The following FSD1L variants were observed in gnomAD, a reference collection of about 807,000 sequenced individuals.
The protein encoded by FSD1L is FSD1-like protein.
Under a neutral mutation model 71.6 loss-of-function variants are expected in FSD1L, and 45 were observed. The ratio of observed to expected loss-of-function variants is 0.63; its 90% CI spans 0.49 to 0.81. The LOEUF is 0.81. FSD1L is among the 30% of genes least tolerant of loss of function. FSD1L has a pLI of 0.00. For synonymous variants in FSD1L, 197 were observed against 207.2 expected, an observed-to-expected ratio of 0.95 and a Z score of 0.42; for missense variants, 561 against 618.1, an observed-to-expected ratio of 0.91 and a Z score of 0.98.
chr9:105,448,836 A>AAGGTTGGTGTTG (rs1400094924), intron 1 of FSD1L, among the ~76,000 whole-genome samples: 1 of 152,190 alleles, frequency 6.6e-6, no homozygotes, highest in African/African-American at 2.4e-5. Context: ...CCACTCTCTG[A>AAGGTTGGTGTTG]CCAGTTGGTG....
At chr9:105,518,392 A>G (rs2131402529) in intron 10 of FSD1L, among the ~76,000 whole-genome samples, 1 of 152,366 alleles carries the variant, frequency 6.6e-6, no homozygotes, top group South Asian at 2.1e-4. Flanking sequence ...TTATTCTAAA[A>G]TTGACCACAT....
intron 11 of FSD1L, 115 bp downstream of exon 11, chr9:105,534,708 T>G: frequency 1.6e-6 from 1 of 642,162 alleles, no homozygotes; most frequent in East Asian, 2.8e-5. Context: ...TTGCAAGAAA[T>G]TTCTCCCAAT....
intron 10 of FSD1L, chr9:105,525,502 G>T: frequency 1.2e-6 from 2 of 1,609,836 alleles, no homozygotes; most frequent in Non-Finnish European, 1.7e-6. Context: ...GGAACAAGAT[G>T]AACCAATACC....
At chr9:105,523,252 C>A (rs1835296972) in intron 10 of FSD1L, 3 of 1,608,048 alleles carry the variant, frequency 1.9e-6, no homozygotes, top group African/African-American at 2.7e-5. Context: ...TGCTCCAGGT[C>A]ACAGACTCCT....
chr9:105,542,617 C>T (rs1589115964), intron 13 of FSD1L, among the ~76,000 whole-genome samples: 1 of 152,038 alleles, frequency 6.6e-6, no homozygotes, highest in African/African-American at 2.4e-5. Context: ...CCATACCCGG[C>T]TATTTAAAAA....
chr9:105,497,644 A>C (rs1269968036), intron 7 of FSD1L, among the ~76,000 whole-genome samples: 2 of 152,160 alleles, frequency 1.3e-5, no homozygotes, highest in Admixed American at 1.3e-4. Context: ...GTGGACATAG[A>C]GTTATTCACA....
At chr9:105,451,840 T>C (rs1203963082) in intron 1 of FSD1L, among the ~76,000 whole-genome samples, 2 of 152,202 alleles carry the variant, frequency 1.3e-5, no homozygotes, top group African/African-American at 2.4e-5. Flanking sequence ...GCTTGGAATT[T>C]TATAGTTTAA....
At position 105,549,213 on chromosome 9, in the gene FSD1L, T is replaced by C. The variant is rs2131554466; in HGVS notation, c.*2730T>C. 1 of 152,216 alleles carries C rather than the reference T, an allele frequency of 6.6e-6. No homozygotes were observed. The highest frequency in any genetic ancestry group is 2.1e-4 in the South Asian group (1 of 4,830). 9.4% of individuals were successfully genotyped at this position (152,216 alleles called of 1,614,324 possible). ...TGGATATGTCACAGGTATAAAACAG[T>C]TGTTTTCTAAAAACATGCATTTAGT... is the stretch of plus-strand genomic sequence containing the variant. On this transcript the variant is annotated 3_prime_UTR_variant, in exon 14 of 14. Coordinates refer to ENST00000481272, the MANE Select transcript of FSD1L (RefSeq NM_001145313.3).
intron 4 of FSD1L, among the ~76,000 whole-genome samples, chr9:105,470,901 A>G (rs746984418): frequency 3.3e-5 from 5 of 152,230 alleles, no homozygotes; most frequent in Non-Finnish European, 7.3e-5. Context: ...TCACCTGAAG[A>G]TCCAACTGAA....
In FSD1L at chr9:105,448,085, G is replaced by A; in HGVS notation, c.-136G>A. On this transcript the variant is annotated 5_prime_UTR_variant, in exon 1 of 14. Transcript: ENST00000481272. ...CTACGGCGCGCGCGGTCTGGGCGCG[G>A]ACGGGTGGGGCCGGGCGGTGCCGGT... 9.9e-7 allele frequency: 1 copy of A among 1,009,826 alleles called. No homozygotes were observed. Among genetic ancestry groups the A allele is most frequent in the Non-Finnish European group, 1.5e-6 (1 of 670,180 alleles). 62.6% of individuals were successfully genotyped at this position (1,009,826 alleles called of 1,614,324 possible). A position where few individuals can be genotyped will look rare whatever the true frequency, so the allele number is the denominator to read the frequency against.
chr9:105,529,465 C>T (rs760331501), intron 10 of FSD1L, among the ~76,000 whole-genome samples: 1 of 152,120 alleles, frequency 6.6e-6, no homozygotes, highest in East Asian at 1.9e-4. Flanking sequence ...GAGTTCATGT[C>T]CTTTGCAGGG....
chr9:105,526,859 G>A (rs1041308799), intron 10 of FSD1L, among the ~76,000 whole-genome samples: 13 of 151,624 alleles, frequency 8.6e-5, no homozygotes, highest in Admixed American at 3.9e-4. Context: ...AAATACAATT[G>A]GACAATTAGT....
intron 7 of FSD1L, among the ~76,000 whole-genome samples, chr9:105,502,972 G>C (rs1347116901): frequency 6.6e-6 from 1 of 151,256 alleles, no homozygotes; most frequent in African/African-American, 2.4e-5. Context: ...CAACCTCCTG[G>C]GCTTAAGCAA....
intron 3 of FSD1L, among the ~76,000 whole-genome samples, chr9:105,465,024 G>A (rs1830965619): frequency 6.6e-6 from 1 of 152,110 alleles, no homozygotes; most frequent in Non-Finnish European, 1.5e-5. Flanking sequence ...ACTTGTAGAA[G>A]TAGATGAAAG....
chr9:105,466,136 A>G (rs1282139431), intron 3 of FSD1L, among the ~76,000 whole-genome samples: 1 of 152,210 alleles, frequency 6.6e-6, no homozygotes, highest in African/African-American at 2.4e-5. Flanking sequence ...ATAAGAAAAC[A>G]ATCCCATTTG....
intron 10 of FSD1L, among the ~76,000 whole-genome samples, chr9:105,514,579 T>C (rs1478569146): frequency 6.6e-6 from 1 of 152,158 alleles, no homozygotes; most frequent in Non-Finnish European, 1.5e-5. Context: ...AATAAAGGTA[T>C]TCAGAGGAAG....
chr9:105,542,614 C>T (rs556893428), intron 13 of FSD1L, among the ~76,000 whole-genome samples: 2 of 152,034 alleles, frequency 1.3e-5, no homozygotes, highest in African/African-American at 2.4e-5. Flanking sequence ...CCACCATACC[C>T]GGCTATTTAA....
At chr9:105,527,557 T>C (rs1444815098) in intron 10 of FSD1L, among the ~76,000 whole-genome samples, 1 of 152,056 alleles carries the variant, frequency 6.6e-6, no homozygotes, top group Non-Finnish European at 1.5e-5. Flanking sequence ...AAATGTAGCA[T>C]GATATTGGTA....
At chr9:105,499,736 G>T (rs1833652922) in intron 7 of FSD1L, among the ~76,000 whole-genome samples, 1 of 149,852 alleles carries the variant, frequency 6.7e-6, no homozygotes, top group Admixed American at 6.7e-5. Flanking sequence ...ATATTAGTTT[G>T]GGATTTTCTC....
Sources: allele counts gnomAD v4.1 joint callset (sites outside exome capture counted in the v4.1 genomes callset), GRCh38; gene constraint gnomAD v4.1.1; transcripts MANE v1.5; gene names NCBI Gene and HGNC (gene_info 2026-07-23, HGNC 2026-07-21).